The following MSANTD2 variants were observed in gnomAD, a reference collection of about 807,000 sequenced individuals.
MSANTD2 encodes the protein myb/SANT-like DNA-binding domain-containing protein 2.
Under a neutral mutation model 52.6 loss-of-function variants are expected in MSANTD2, and 19 were observed. That is an observed-to-expected ratio of 0.36 (90% confidence interval 0.25 to 0.53). MSANTD2 has a LOEUF of 0.53. Among genes scored for constraint, MSANTD2 ranks in the 20% least tolerant of loss-of-function variants. The pLI, the probability that MSANTD2 is intolerant of heterozygous loss-of-function variation, is 0.91. For missense variants in MSANTD2, 558 were observed against 716.3 expected, an observed-to-expected ratio of 0.78 and a Z score of 2.52; for synonymous variants, 291 against 289.7, an observed-to-expected ratio of 1.00 and a Z score of -0.04.
chr11:124,784,433 C>T (rs975992677), intron 1 of MSANTD2: 9 of 985,184 alleles, frequency 9.1e-6, no homozygotes, highest in Middle Eastern at 5.2e-4. Context: ...TCCCAAACAC[C>T]CTCCACTACG....
At chr11:124,796,256 G>A (rs1320640364) in intron 1 of MSANTD2, among the ~76,000 whole-genome samples, 3 of 152,192 alleles carry the variant, frequency 2.0e-5, no homozygotes, top group Non-Finnish European at 4.4e-5. Context: ...AGGTGATTCA[G>A]GAAGGTGGTC....
intron 1 of MSANTD2, among the ~76,000 whole-genome samples, chr11:124,796,782 A>G (rs1945509592): frequency 6.6e-6 from 1 of 152,210 alleles, no homozygotes; most frequent in South Asian, 2.1e-4. Flanking sequence ...TCTATTTTGT[A>G]AAATCTAAAG....
rs745802199 is a variant in MSANTD2 at position 124,773,024 on chromosome 11, T to TTTA, written c.794_796dup (p.Leu265_Lys266insIle). 6.2e-7 allele frequency: 1 copy of TTTA among 1,601,500 alleles called. No homozygotes were observed. The highest frequency in any genetic ancestry group is 1.3e-5 in the African/African-American group (1 of 74,712). On this transcript the variant is annotated inframe_insertion, in exon 3 of 4. Transcript: ENST00000374979. ...TTCTTCAGAAGACTCTTGTTTTATTTTTAATGTTCTCTTTGTGACAGGTAT... is the reference window on the plus strand; with the variant it reads ...TTCTTCAGAAGACTCTTGTTTTATTTTTATTAATGTTCTCTTTGTGACAGGTAT...
intron 3 of MSANTD2, 142 bp from the exon 4 acceptor site, chr11:124,768,170 AT>A: frequency 1.4e-6 from 1 of 694,762 alleles, no homozygotes; most frequent in Non-Finnish European, 2.3e-6. Context: ...GAGGTATTAC[AT>A]TTTTAATTAT....
intron 1 of MSANTD2, among the ~76,000 whole-genome samples, chr11:124,796,834 A>G (rs1202154661): frequency 6.6e-6 from 1 of 152,230 alleles, no homozygotes; most frequent in African/African-American, 2.4e-5. Flanking sequence ...TCTCATCAAC[A>G]CAAAGTGAAA....
chr11:124,772,476 G>A (rs1047026170), intron 3 of MSANTD2, among the ~76,000 whole-genome samples: 4 of 152,168 alleles, frequency 2.6e-5, no homozygotes, highest in East Asian at 3.8e-4. Context: ...GGTGGCTCGC[G>A]CCTGTAATCC....
chr11:124,798,234 TA>T (rs10601418), intron 1 of MSANTD2, among the ~76,000 whole-genome samples: 3,819 of 110,272 alleles, frequency 0.035, 199 homozygotes, highest in African/African-American at 0.13. Context: ...CCCTGTCTCT[TA>T]AAAAAAAAAA....
intron 3 of MSANTD2, among the ~76,000 whole-genome samples, chr11:124,770,473 A>T (rs530108664): frequency 6.6e-6 from 1 of 152,034 alleles, no homozygotes; most frequent in Admixed American, 6.6e-5. Flanking sequence ...AATTTTAAAA[A>T]TTTTTGTGGA....
chr11:124,798,962 C>T (rs1490222455), intron 1 of MSANTD2, among the ~76,000 whole-genome samples: 2 of 152,164 alleles, frequency 1.3e-5, no homozygotes, highest in African/African-American at 4.8e-5. Context: ...GCCAATAATA[C>T]AAATATGAAA....
intron 1 of MSANTD2, chr11:124,775,638 G>A (rs117307538): frequency 0.021 from 3,147 of 152,358 alleles, 45 homozygotes; most frequent in Non-Finnish European, 0.031. Context: ...TAATACCTAC[G>A]TCTAAAGCTA....
intron 1 of MSANTD2, chr11:124,791,124 C>A: frequency 2.9e-6 from 2 of 680,182 alleles, no homozygotes; most frequent in Non-Finnish European, 2.6e-6. Context: ...TGAAGAGGAC[C>A]CAGGGACAGT....
At chr11:124,785,321 T>C (rs909064568) in intron 1 of MSANTD2, among the ~76,000 whole-genome samples, 1 of 152,188 alleles carries the variant, frequency 6.6e-6, no homozygotes, top group Admixed American at 6.5e-5. Context: ...TCCTACTTAA[T>C]AATAATGTTA....
intron 1 of MSANTD2, chr11:124,775,648 A>G (rs1944714411): frequency 6.6e-6 from 1 of 152,334 alleles, no homozygotes; most frequent in Admixed American, 6.5e-5. Flanking sequence ...GTCTAAAGCT[A>G]GACAATCTAC....
Position 124,767,091 on chromosome 11 carries a change from G to T in MSANTD2, c.*85C>A, listed in dbSNP as rs1258598500. The T allele has an allele frequency of 6.8e-6, 9 of 1,324,516 alleles. No homozygotes were observed. The African/African-American group carries it at 1.3e-4, about 20-fold the overall frequency. 82.0% of individuals were successfully genotyped at this position (1,324,516 alleles called of 1,614,324 possible). ...GGTTTCCATGAAGAGTCTGACGGCG[G>T]CATCTGGATGAGGGGTGGTCCGGGT... On this transcript the variant is annotated 3_prime_UTR_variant, in exon 4 of 4. Coordinates refer to ENST00000374979, the MANE Select transcript of MSANTD2 (RefSeq NM_001308027.2). This position sits in a 1 kb window ranked among gnomAD's most constrained non-coding sequence, Gnocchi z 6.5.
chr11:124,783,942 C>T (rs917075770), intron 1 of MSANTD2: 2 of 985,378 alleles, frequency 2.0e-6, no homozygotes, highest in Non-Finnish European at 1.2e-6. Context: ...AAAGGTCACA[C>T]CTAGCATGCA....
chr11:124,797,644 T>A lies in MSANTD2; in HGVS notation c.510+2227A>T, dbSNP rs546817803. On this transcript the variant is annotated intron_variant, in intron 1 of 3. Transcript: ENST00000374979. Reference sequence around the variant, plus strand: ...AACATTACTAATGAAAAAGTCTGGGTTCTTTGATTGAAATCACATAAAGAG... The same window carrying A: ...AACATTACTAATGAAAAAGTCTGGGATCTTTGATTGAAATCACATAAAGAG... Among the ~76,000 whole-genome samples the A allele has an allele frequency of 1.7e-3, 258 of 152,304 alleles. 1 individual carries two copies. The highest frequency in any genetic ancestry group is 5.9e-3 in the African/African-American group (246 of 41,572).
chr11:124,796,900 CTTCTT>C (rs138369735), intron 1 of MSANTD2, among the ~76,000 whole-genome samples: 176 of 152,284 alleles, frequency 1.2e-3, no homozygotes, highest in African/African-American at 4.1e-3. Context: ...GATCTAATGA[CTTCTT>C]TTCAGAGGTT....
intron 1 of MSANTD2, among the ~76,000 whole-genome samples, chr11:124,799,264 G>A (rs1945597076): frequency 6.6e-6 from 1 of 152,142 alleles, no homozygotes; most frequent in South Asian, 2.1e-4. Context: ...TAACTCCGCG[G>A]TAACAATACA....
intron 1 of MSANTD2, among the ~76,000 whole-genome samples, 179 bp downstream of exon 1, chr11:124,799,692 G>A (rs1010804045): frequency 2.6e-5 from 4 of 152,226 alleles, no homozygotes; most frequent in Non-Finnish European, 5.9e-5. Flanking sequence ...CTACGGGCTG[G>A]CGGCCATCTG....
Sources: allele counts gnomAD v4.1 joint callset (sites outside exome capture counted in the v4.1 genomes callset), GRCh38; gene constraint gnomAD v4.1.1; non-coding constraint Gnocchi (gnomAD v3.1); transcripts MANE v1.5; gene names NCBI Gene and HGNC (gene_info 2026-07-23, HGNC 2026-07-21).